Variants in JAK2 observed in about 807,000 individuals in gnomAD.
JAK2 encodes the protein tyrosine-protein kinase JAK2.
Under a neutral mutation model 139.3 loss-of-function variants are expected in JAK2, and 86 were observed. The ratio of observed to expected loss-of-function variants is 0.62; its 90% CI spans 0.52 to 0.74. The LOEUF (loss-of-function observed/expected upper bound fraction) is 0.74. Ranked by LOEUF, JAK2 falls within the 30% of genes least tolerant of loss-of-function variation. The pLI, the probability that JAK2 is intolerant of heterozygous loss-of-function variation, is 0.00. For missense variants in JAK2, 1,421 were observed against 1,360.3 expected, an observed-to-expected ratio of 1.04 and a Z score of -0.70; for synonymous variants, 490 against 437.7, an observed-to-expected ratio of 1.12 and a Z score of -1.49.
intron 16 of JAK2, among the ~76,000 whole-genome samples, 167 bp from the exon 17 acceptor site, chr9:5,080,062 C>T (rs1420827142): frequency 6.6e-6 from 1 of 152,176 alleles, no homozygotes; most frequent in Admixed American, 6.6e-5. Flanking sequence ...AAGGTCCCTT[C>T]TGGTTCTTAA....
At chr9:5,113,806 GCA>G (rs1822877431) in intron 22 of JAK2, 1 of 171,216 alleles carries the variant, frequency 5.8e-6, no homozygotes, top group Admixed American at 6.3e-5. Flanking sequence ...CTGCAGCGTG[GCA>G]CACACTCTGT....
chr9:5,116,121 G>A (rs367977623), intron 22 of JAK2, among the ~76,000 whole-genome samples: 2 of 151,886 alleles, frequency 1.3e-5, no homozygotes, highest in East Asian at 1.9e-4. Flanking sequence ...TGCATTTTAT[G>A]GATAATCTCA....
intron 9 of JAK2, among the ~76,000 whole-genome samples, chr9:5,065,588 GAATTTTAATTT>G: frequency 6.6e-6 from 1 of 152,276 alleles, no homozygotes; most frequent in South Asian, 2.1e-4. Context: ...CCGAGGAACT[GAATTTTAATTT>G]AATTTTAATT....
At chr9:4,984,768 G>A (rs1819842760), upstream of JAK2, 1 of 152,326 alleles carries the variant, frequency 6.6e-6, no homozygotes, top group Admixed American at 6.5e-5. Context: ...CAGCCAGGGT[G>A]AGTCACTCCC....
At chr9:4,984,893 C>T (rs1819852667), upstream of JAK2, 1 of 152,338 alleles carries the variant, frequency 6.6e-6, no homozygotes. Context: ...GGCGCCGCCG[C>T]CTTAACTTCC....
chr9:5,112,488 G>T, intron 22 of JAK2: 1 of 552,836 alleles, frequency 1.8e-6, no homozygotes, highest in African/African-American at 2.0e-5. Context: ...GCCCAGACAA[G>T]GACGAGGAGG....
chr9:5,009,437 T>C (rs78011214), intron 2 of JAK2, among the ~76,000 whole-genome samples: 1 of 148,622 alleles, frequency 6.7e-6, no homozygotes, highest in African/African-American at 2.5e-5. Flanking sequence ...CTAGTCAGGA[T>C]TTTTTTTTTT....
chr9:5,060,385 A>G (rs1023613264), intron 8 of JAK2, among the ~76,000 whole-genome samples: 1 of 152,206 alleles, frequency 6.6e-6, no homozygotes, highest in Non-Finnish European at 1.5e-5. Context: ...TTTTACCCAC[A>G]GTAGAATTTC....
chr9:5,037,840 AAAACTT>A (rs1816181373), intron 4 of JAK2, among the ~76,000 whole-genome samples: 1 of 152,248 alleles, frequency 6.6e-6, no homozygotes. Flanking sequence ...CATGTACCCT[AAAACTT>A]AAAGTATAAT....
intron 22 of JAK2, among the ~76,000 whole-genome samples, chr9:5,115,101 A>C (rs1175344687): frequency 6.6e-6 from 1 of 152,224 alleles, no homozygotes; most frequent in Non-Finnish European, 1.5e-5. Flanking sequence ...CTGCATAGCA[A>C]AAGAAACTGA....
At chr9:4,996,546 A>G (rs1210504815) in intron 2 of JAK2, among the ~76,000 whole-genome samples, 6 of 151,940 alleles carry the variant, frequency 3.9e-5, no homozygotes, top group Non-Finnish European at 7.4e-5. Flanking sequence ...TTTTAAATAC[A>G]TGAGGTATTG....
At chr9:5,035,837 C>T (rs1398608377) in intron 4 of JAK2, among the ~76,000 whole-genome samples, 1 of 152,196 alleles carries the variant, frequency 6.6e-6, no homozygotes. Context: ...GGGATGCCCT[C>T]TCTCACCACT....
At chr9:5,027,807 A>G (rs546602225) in intron 3 of JAK2, among the ~76,000 whole-genome samples, 1 of 152,198 alleles carries the variant, frequency 6.6e-6, no homozygotes, top group Admixed American at 6.5e-5. Context: ...ATAAAAAGCA[A>G]TTCCTTATAT....
chr9:5,116,297 C>T (rs1823169301), intron 22 of JAK2, among the ~76,000 whole-genome samples: 1 of 152,176 alleles, frequency 6.6e-6, no homozygotes, highest in Non-Finnish European at 1.5e-5. Flanking sequence ...GCCTTCCTAA[C>T]CATGATAATG....
intron 22 of JAK2, chr9:5,091,145 GTT>G (rs1820542737): frequency 3.0e-6 from 1 of 330,688 alleles, no homozygotes; most frequent in South Asian, 6.8e-5. Context: ...GGGATTGTAG[GTT>G]TTTCTTCAAA....
chr9:4,991,023 G>GT (rs892841152), intron 2 of JAK2, among the ~76,000 whole-genome samples: 6 of 152,084 alleles, frequency 3.9e-5, no homozygotes, highest in South Asian at 2.1e-4. Context: ...TTGGTTCTGT[G>GT]TTTTTTTCTG....
chr9:5,124,130 T>C (rs1823819472), intron 23 of JAK2, among the ~76,000 whole-genome samples: 1 of 151,926 alleles, frequency 6.6e-6, no homozygotes, highest in Admixed American at 6.6e-5. Flanking sequence ...GATACAAAGT[T>C]TGCAAATATT....
rs2230725 is a variant in JAK2, at chr9:5,089,676, T to A, written c.2574T>A (p.Gly858=). Residue 858 remains glycine, a splice_region_variant and synonymous_variant, in exon 20 of 25, where the codon GGT becomes GGA. Coordinates refer to ENST00000381652, the MANE Select transcript of JAK2 (RefSeq NM_004972.4). The part of the protein sequence containing the change: ...HLKFLQQLGK[G]NFGSVEMCRY... The stretch of plus-strand genomic sequence containing the variant: ...TCCTAATGTGATGTGTCATTTAGGG[T>A]AATTTTGGGAGTGTGGAGATGTGCC... 2.5e-5 allele frequency: 34 copies of A among 1,357,666 alleles called. No homozygotes were observed. In the African/African-American group the frequency reaches 4.9e-4, roughly 20 times the overall value. 84.1% of individuals were successfully genotyped at this position (1,357,666 alleles called of 1,614,324 possible). A position where few individuals can be genotyped will look rare whatever the true frequency, so the allele number is the denominator to read the frequency against.
intron 4 of JAK2, chr9:5,040,946 G>C (rs1008818596): frequency 6.6e-6 from 3 of 452,122 alleles, no homozygotes; most frequent in South Asian, 3.8e-5. Flanking sequence ...CGGAGCCAAG[G>C]AAAGAATCTC....
Sources: gnomAD v4.1 joint callset for allele counts (sites outside exome capture counted in the v4.1 genomes callset) on GRCh38, gnomAD v4.1.1 for gene constraint, MANE v1.5 for transcripts, NCBI Gene and HGNC (gene_info 2026-07-23, HGNC 2026-07-21) for gene names.